The following LINGO2 variants were observed in gnomAD, a reference collection of about 807,000 sequenced individuals.
The protein encoded by LINGO2 is leucine rich repeat and Ig domain containing 2.
Under a neutral mutation model 30.6 loss-of-function variants are expected in LINGO2, and 14 were observed. That is an observed-to-expected ratio of 0.46 (90% CI 0.30 to 0.72). The LOEUF is 0.72. LINGO2 is among the 30% of genes least tolerant of loss of function. The probability of loss-of-function intolerance (pLI) is 0.07; values close to 1 mark genes in which losing one functional copy is unlikely to be tolerated. For synonymous variants in LINGO2, 317 were observed against 288.5 expected, an observed-to-expected ratio of 1.10 and a Z score of -1.00; for missense variants, 729 against 751.7, an observed-to-expected ratio of 0.97 and a Z score of 0.35.
At chr9:28,771,452 GGTGTGTGTGT>G in the LINGO2 span, among the ~76,000 whole-genome samples, 23,053 of 119,022 alleles carry the variant, frequency 0.19, 2,491 homozygotes, top group Admixed American at 0.28. Context: ...TTTCCTATTT[GGTGTGTGTGT>G]GTGTGTGTGT....
the LINGO2 span, among the ~76,000 whole-genome samples, chr9:28,904,490 T>A: frequency 6.6e-6 from 1 of 151,928 alleles, no homozygotes; most frequent in Non-Finnish European, 1.5e-5. Context: ...TTAGAACTAA[T>A]AAAGAAATTC....
chr9:27,998,923 A>G (rs982432013), intron 5 of LINGO2, among the ~76,000 whole-genome samples: 1 of 152,148 alleles, frequency 6.6e-6, no homozygotes, highest in African/African-American at 2.4e-5. Flanking sequence ...AATTTTAAAA[A>G]TACTCTAAGT....
chr9:28,738,728 C>A, the LINGO2 span, among the ~76,000 whole-genome samples: 1 of 151,778 alleles, frequency 6.6e-6, no homozygotes. Context: ...TCTCAGAATG[C>A]AAGGGAGATT....
At chr9:28,072,583 A>G (rs1374655675) in intron 4 of LINGO2, among the ~76,000 whole-genome samples, 7 of 152,172 alleles carry the variant, frequency 4.6e-5, no homozygotes, top group African/African-American at 7.2e-5. Flanking sequence ...TAGGACTTCA[A>G]AATATTCCAT....
chr9:29,193,882 G>A, the LINGO2 span, among the ~76,000 whole-genome samples: 25 of 152,296 alleles, frequency 1.6e-4, no homozygotes, highest in African/African-American at 5.8e-4. Flanking sequence ...ATCCACTGAT[G>A]CCATGTAAAG....
the LINGO2 span, among the ~76,000 whole-genome samples, chr9:29,182,844 T>C: frequency 6.6e-6 from 1 of 152,120 alleles, no homozygotes. Context: ...TTTTAAATCA[T>C]TCCTTCAAGG....
At chr9:28,476,510 C>T (rs1400488450) in intron 1 of LINGO2, among the ~76,000 whole-genome samples, 6 of 152,100 alleles carry the variant, frequency 3.9e-5, no homozygotes, top group African/African-American at 1.2e-4. Context: ...CTCCTGACCT[C>T]GTGATCCTCC....
At chr9:29,102,206 C>T in the LINGO2 span, among the ~76,000 whole-genome samples, 8 of 152,088 alleles carry the variant, frequency 5.3e-5, no homozygotes, top group African/African-American at 9.6e-5. Flanking sequence ...CTCAGCCTCC[C>T]GAGTAGCTGG....
the LINGO2 span, among the ~76,000 whole-genome samples, chr9:28,805,128 A>T: frequency 1.3e-5 from 2 of 152,280 alleles, no homozygotes; most frequent in African/African-American, 4.8e-5. Context: ...TTAACATGTG[A>T]TACTCAGGTT....
chr9:29,128,292 C>G, the LINGO2 span, among the ~76,000 whole-genome samples: 1 of 152,104 alleles, frequency 6.6e-6, no homozygotes, highest in Non-Finnish European at 1.5e-5. Context: ...GTTCTGAGGT[C>G]TAGTACTAAG....
chr9:28,007,370 C>G (rs79255529), intron 5 of LINGO2, among the ~76,000 whole-genome samples: 1 of 151,940 alleles, frequency 6.6e-6, no homozygotes, highest in East Asian at 1.9e-4. Context: ...AAAAGCGCTA[C>G]GCATGATGAA....
chr9:28,104,824 T>C (rs773032764), intron 4 of LINGO2, among the ~76,000 whole-genome samples: 3 of 152,110 alleles, frequency 2.0e-5, no homozygotes, highest in African/African-American at 7.2e-5. Flanking sequence ...TATTGTTCTA[T>C]TTTTATTTTA....
chr9:27,999,508 T>C (rs1821841713), intron 5 of LINGO2, among the ~76,000 whole-genome samples: 1 of 151,872 alleles, frequency 6.6e-6, no homozygotes, highest in East Asian at 1.9e-4. Context: ...TGTATGCTTA[T>C]GTAGGGAGTG....
At chr9:29,070,683 G>A in the LINGO2 span, among the ~76,000 whole-genome samples, 47 of 151,420 alleles carry the variant, frequency 3.1e-4, no homozygotes, top group African/African-American at 1.1e-3. Context: ...TGTTGTTAAT[G>A]TGAGTTTTCT....
At chr9:29,113,948 T>A in the LINGO2 span, among the ~76,000 whole-genome samples, 1 of 147,544 alleles carries the variant, frequency 6.8e-6, no homozygotes, top group Admixed American at 6.9e-5. Flanking sequence ...TGAGAAAATT[T>A]ACCAAAGCTT....
At chr9:29,084,191 C>T in the LINGO2 span, among the ~76,000 whole-genome samples, 1 of 151,692 alleles carries the variant, frequency 6.6e-6, no homozygotes, top group African/African-American at 2.4e-5. Flanking sequence ...GATTATTCTA[C>T]AAAAAAATGT....
chr9:29,131,594 A>G, the LINGO2 span, among the ~76,000 whole-genome samples: 1 of 152,098 alleles, frequency 6.6e-6, no homozygotes, highest in African/African-American at 2.4e-5. Context: ...ACCGAAAACC[A>G]TTTGGGACCC....
the LINGO2 span, among the ~76,000 whole-genome samples, chr9:28,989,485 A>G: frequency 6.6e-6 from 1 of 152,122 alleles, no homozygotes; most frequent in Non-Finnish European, 1.5e-5. Context: ...CAGGTAACAT[A>G]TTAGAAAGGA....
At chr9:28,819,643 G>T in the LINGO2 span, among the ~76,000 whole-genome samples, 1 of 152,110 alleles carries the variant, frequency 6.6e-6, no homozygotes, top group African/African-American at 2.4e-5. Context: ...TCACTAGACT[G>T]CAAGGGCCTA....
Sources: gnomAD v4.1 joint callset for allele counts (sites outside exome capture counted in the v4.1 genomes callset) on GRCh38, gnomAD v4.1.1 for gene constraint, MANE v1.5 for transcripts, NCBI Gene and HGNC (gene_info 2026-07-23, HGNC 2026-07-21) for gene names.